SPAG16: variants seen among roughly 807,000 people sequenced by gnomAD.
SPAG16 encodes sperm associated antigen 16, also known as sperm-associated antigen 16 protein.
In SPAG16, 86 loss-of-function variants were observed where a neutral mutation model predicts 80.4. That is an observed-to-expected ratio of 1.07 (90% CI 0.90 to 1.28). The LOEUF (loss-of-function observed/expected upper bound fraction) is 1.28. Ranked by LOEUF, SPAG16 falls within the 50% of genes most tolerant of loss-of-function variation. SPAG16 has a pLI of 0.00. For synonymous variants in SPAG16, 294 were observed against 265.9 expected, an observed-to-expected ratio of 1.11 and a Z score of -1.03; for missense variants, 870 against 765.3, an observed-to-expected ratio of 1.14 and a Z score of -1.61.
At chr2:213,904,667 G>A (rs534993576) in intron 11 of SPAG16, among the ~76,000 whole-genome samples, 2 of 150,350 alleles carry the variant, frequency 1.3e-5, no homozygotes, top group South Asian at 4.2e-4. Flanking sequence ...CTGGAATTTA[G>A]ATAGGCCTCT....
chr2:213,988,071 A>C (rs1278648026), intron 12 of SPAG16, among the ~76,000 whole-genome samples: 2 of 151,956 alleles, frequency 1.3e-5, no homozygotes, highest in African/African-American at 4.8e-5. Flanking sequence ...AAATGATTGT[A>C]CTGTAAGATA....
At chr2:213,943,646 G>T (rs1251275041) in intron 12 of SPAG16, among the ~76,000 whole-genome samples, 1 of 152,146 alleles carries the variant, frequency 6.6e-6, no homozygotes, top group Non-Finnish European at 1.5e-5. Flanking sequence ...TAAAGGATCA[G>T]CTTGGTTCCT....
chr2:214,334,268 G>T (rs956027274), intron 15 of SPAG16, among the ~76,000 whole-genome samples: 2 of 152,192 alleles, frequency 1.3e-5, no homozygotes, highest in African/African-American at 4.8e-5. Flanking sequence ...CCTGAGGGGG[G>T]CACATATTGC....
At chr2:213,961,989 A>G (rs1244649524) in intron 12 of SPAG16, among the ~76,000 whole-genome samples, 1 of 152,122 alleles carries the variant, frequency 6.6e-6, no homozygotes, top group African/African-American at 2.4e-5. Context: ...GGTAGAATTC[A>G]CCAGTGAAAC....
chr2:213,853,226 CT>C (rs1346711574), intron 10 of SPAG16, among the ~76,000 whole-genome samples: 2 of 152,222 alleles, frequency 1.3e-5, no homozygotes, highest in African/African-American at 2.4e-5. Context: ...TTGTGACAAT[CT>C]TTTTTTGGAT....
At chr2:214,203,915 G>A (rs537758890) in intron 15 of SPAG16, among the ~76,000 whole-genome samples, 3 of 152,280 alleles carry the variant, frequency 2.0e-5, no homozygotes, top group South Asian at 2.1e-4. Context: ...TTTCACAGCC[G>A]GGAGGCTGGT....
intron 15 of SPAG16, among the ~76,000 whole-genome samples, chr2:214,344,594 A>G (rs1022820203): frequency 6.6e-6 from 1 of 152,176 alleles, no homozygotes; most frequent in Admixed American, 6.5e-5. Flanking sequence ...TCAAACTTGG[A>G]ATTTTTTAAC....
intron 10 of SPAG16, among the ~76,000 whole-genome samples, chr2:213,843,948 C>A (rs12996058): frequency 0.61 from 92,805 of 151,662 alleles, 29,730 homozygotes; most frequent in East Asian, 0.85. Context: ...TAATATAAAA[C>A]TTATAAAAAT....
At chr2:214,202,420 C>A (rs531679386) in intron 15 of SPAG16, among the ~76,000 whole-genome samples, 1 of 152,264 alleles carries the variant, frequency 6.6e-6, no homozygotes, top group Admixed American at 6.5e-5. Context: ...TAATCTCAGT[C>A]TGTCTGTGTT....
intron 15 of SPAG16, among the ~76,000 whole-genome samples, chr2:214,173,228 T>C (rs1280921799): frequency 3.9e-5 from 6 of 152,160 alleles, no homozygotes; most frequent in Non-Finnish European, 8.8e-5. Context: ...TTTATGGTTT[T>C]AGGTCTAACA....
intron 11 of SPAG16, among the ~76,000 whole-genome samples, chr2:213,907,959 A>G (rs1044465510): frequency 6.6e-6 from 1 of 152,200 alleles, no homozygotes; most frequent in Non-Finnish European, 1.5e-5. Flanking sequence ...CAGAATGAAT[A>G]TAATTAACAA....
rs79037599 is a variant in SPAG16 at position 214,380,237 on chromosome 2, C to T, written c.1721-29903C>T. 7.8e-3 allele frequency among the ~76,000 whole-genome samples: 1,182 copies of T among 152,242 alleles called. 12 individuals carry two copies. Among genetic ancestry groups the T allele is most frequent in the African/African-American group, 0.026 (1,091 of 41,524 alleles). On this transcript the variant is annotated intron_variant, in intron 15 of 15. Transcript: ENST00000331683. ...GTGCAAATTTCACTATTGTTGTTCA[C>T]GGGGTAGAAACTAGAGGCCTTTTTA...
intron 1 of SPAG16, among the ~76,000 whole-genome samples, chr2:213,287,651 C>G (rs2062103229): frequency 6.6e-6 from 1 of 152,210 alleles, no homozygotes; most frequent in Middle Eastern, 3.4e-3. Flanking sequence ...AGTTTACTGG[C>G]CAATGAAAAA....
intron 15 of SPAG16, among the ~76,000 whole-genome samples, chr2:214,376,968 C>G (rs893941411): frequency 1.3e-5 from 2 of 152,076 alleles, no homozygotes; most frequent in African/African-American, 4.8e-5. Flanking sequence ...ACTTACAGAC[C>G]ATACATGGTG....
At chr2:213,475,874 C>T (rs2073347978) in intron 9 of SPAG16, among the ~76,000 whole-genome samples, 1 of 152,160 alleles carries the variant, frequency 6.6e-6, no homozygotes, top group Non-Finnish European at 1.5e-5. Flanking sequence ...AGGAAAAAAT[C>T]AGTCCTTCAC....
At chr2:213,652,368 A>G (rs1195883934) in intron 10 of SPAG16, among the ~76,000 whole-genome samples, 1 of 152,120 alleles carries the variant, frequency 6.6e-6, no homozygotes, top group African/African-American at 2.4e-5. Flanking sequence ...ATTGTCACAA[A>G]CACTCATGTT....
At chr2:214,115,531 C>G (rs1023005783) in intron 14 of SPAG16, among the ~76,000 whole-genome samples, 4 of 152,130 alleles carry the variant, frequency 2.6e-5, no homozygotes, top group Admixed American at 1.3e-4. Context: ...TGTTATCAAG[C>G]TAGCAATCTA....
At chr2:213,855,304 G>C (rs1232239390) in intron 10 of SPAG16, among the ~76,000 whole-genome samples, 1 of 152,174 alleles carries the variant, frequency 6.6e-6, no homozygotes, top group African/African-American at 2.4e-5. Context: ...CAGAGGTGTT[G>C]AGCTAACTCT....
chr2:214,171,895 T>C (rs554322935), intron 15 of SPAG16, among the ~76,000 whole-genome samples: 2 of 152,028 alleles, frequency 1.3e-5, no homozygotes, highest in East Asian at 3.9e-4. Flanking sequence ...ATTTGAGATT[T>C]ACAACATGAT....
Sources: gnomAD v4.1 joint callset for allele counts (sites outside exome capture counted in the v4.1 genomes callset) on GRCh38, gnomAD v4.1.1 for gene constraint, MANE v1.5 for transcripts, NCBI Gene and HGNC (gene_info 2026-07-23, HGNC 2026-07-21) for gene names.